Variants in ASTN2 observed in about 807,000 individuals in gnomAD.
The protein encoded by ASTN2 is astrotactin-2.
A neutral mutation model predicts 139.8 loss-of-function variants in ASTN2; 54 were observed. The ratio of observed to expected loss-of-function variants is 0.39; its 90% CI spans 0.31 to 0.48. ASTN2 has a LOEUF of 0.48. Ranked by LOEUF, ASTN2 falls within the 20% of genes least tolerant of loss-of-function variation. The pLI, the probability that ASTN2 is intolerant of heterozygous loss-of-function variation, is 0.95. For synonymous variants in ASTN2, 756 were observed against 719.5 expected, an observed-to-expected ratio of 1.05 and a Z score of -0.81; for missense variants, 1,565 against 1,725.1, an observed-to-expected ratio of 0.91 and a Z score of 1.64.
chr9:116,859,521 T>C (rs1452489752), intron 11 of ASTN2, among the ~76,000 whole-genome samples: 1 of 152,180 alleles, frequency 6.6e-6, no homozygotes, highest in African/African-American at 2.4e-5. Context: ...AATAAAGCAA[T>C]AGAAGCATCT....
At chr9:117,340,334 A>G (rs1440831861) in intron 1 of ASTN2, among the ~76,000 whole-genome samples, 4 of 95,082 alleles carry the variant, frequency 4.2e-5, no homozygotes, top group Non-Finnish European at 8.9e-5. Context: ...TCAGTCTCAA[A>G]AAAAAAAAAA....
intron 13 of ASTN2, among the ~76,000 whole-genome samples, chr9:116,786,639 T>C (rs913108127): frequency 6.6e-6 from 1 of 152,124 alleles, no homozygotes; most frequent in Admixed American, 6.5e-5. Flanking sequence ...GAAAAAAAAC[T>C]GAGAAAGGAG....
In ASTN2 at chr9:116,707,949, T is replaced by C. The variant is rs1403228276; in HGVS notation, c.2806+17822A>G. ...CCCTGCCTAAATTCCCCCATAGCCA[T>C]AGCACCCATTAACTTAAAATATCCC... On this transcript the variant is annotated intron_variant, in intron 16 of 22. Transcript: ENST00000313400. Among the ~76,000 whole-genome samples, 4 of 152,156 alleles carry C rather than the reference T, an allele frequency of 2.6e-5. No homozygotes were observed. The East Asian group carries it at 5.8e-4, about 22-fold the overall frequency.
At chr9:116,989,269 T>G (rs1220119986) in intron 7 of ASTN2, among the ~76,000 whole-genome samples, 2 of 152,196 alleles carry the variant, frequency 1.3e-5, no homozygotes, top group African/African-American at 4.8e-5. Context: ...GTCCTGCCCA[T>G]GGCATCAGAC....
At chr9:116,622,753 T>C (rs1017364533) in intron 17 of ASTN2, among the ~76,000 whole-genome samples, 5 of 152,208 alleles carry the variant, frequency 3.3e-5, no homozygotes, top group African/African-American at 1.2e-4. Context: ...ATTTTTGTAG[T>C]GTAAGTATAT....
intron 10 of ASTN2, among the ~76,000 whole-genome samples, chr9:116,894,176 A>G (rs1286625709): frequency 6.6e-6 from 1 of 152,192 alleles, no homozygotes; most frequent in African/African-American, 2.4e-5. Context: ...CCTAGATCAA[A>G]AACATGTGGG....
intron 1 of ASTN2, among the ~76,000 whole-genome samples, chr9:117,292,944 C>T (rs1435090670): frequency 2.0e-5 from 3 of 152,068 alleles, no homozygotes; most frequent in South Asian, 4.1e-4. Flanking sequence ...TTGAGGTTCA[C>T]AATCAAAAAT....
intron 3 of ASTN2, among the ~76,000 whole-genome samples, chr9:117,177,446 A>G (rs1219848485): frequency 6.6e-6 from 1 of 152,148 alleles, no homozygotes; most frequent in Admixed American, 6.5e-5. Context: ...GCTTCACAGA[A>G]ATAGTTTCAT....
intron 16 of ASTN2, among the ~76,000 whole-genome samples, chr9:116,670,176 A>C (rs1404895101): frequency 6.6e-6 from 1 of 152,220 alleles, no homozygotes; most frequent in Non-Finnish European, 1.5e-5. Context: ...TAAACAAAAA[A>C]ACCTTGATTG....
At chr9:117,276,548 A>C (rs1173950826) in intron 2 of ASTN2, among the ~76,000 whole-genome samples, 1 of 152,256 alleles carries the variant, frequency 6.6e-6, no homozygotes, top group African/African-American at 2.4e-5. Flanking sequence ...GAGACAGGGC[A>C]GGCCTCTGGA....
intron 1 of ASTN2, among the ~76,000 whole-genome samples, chr9:117,386,320 G>T (rs980186784): frequency 1.3e-5 from 2 of 152,110 alleles, no homozygotes; most frequent in South Asian, 4.1e-4. Flanking sequence ...ACCGCTATTC[G>T]CAGTTAACAT....
intron 3 of ASTN2, among the ~76,000 whole-genome samples, chr9:117,200,996 C>CTTTTTTTTTT (rs777675838): frequency 1.1e-4 from 10 of 94,968 alleles, no homozygotes; most frequent in Admixed American, 1.3e-4. Flanking sequence ...TGGTCCTGGG[C>CTTTTTTTTTT]TTTTTTTTTT....
chr9:117,037,380 T>C (rs1009532290), intron 6 of ASTN2, among the ~76,000 whole-genome samples: 6 of 152,146 alleles, frequency 3.9e-5, no homozygotes, highest in Non-Finnish European at 7.4e-5. Context: ...CCACATGCTG[T>C]CTGAAAATCT....
At chr9:116,661,323 A>G (rs1167610661) in intron 16 of ASTN2, among the ~76,000 whole-genome samples, 2 of 152,166 alleles carry the variant, frequency 1.3e-5, no homozygotes, top group Non-Finnish European at 2.9e-5. Flanking sequence ...AAGAAGGATC[A>G]TTGTGTGCAA....
chr9:116,938,069 C>T (rs1835126760), intron 10 of ASTN2, among the ~76,000 whole-genome samples: 1 of 152,128 alleles, frequency 6.6e-6, no homozygotes, highest in African/African-American at 2.4e-5. Context: ...GGTAACTTTC[C>T]TTTGTTCAAT....
intron 19 of ASTN2, among the ~76,000 whole-genome samples, chr9:116,524,284 G>T (rs940886817): frequency 9.9e-5 from 15 of 152,112 alleles, no homozygotes; most frequent in Admixed American, 9.8e-4. Context: ...TTACCTAATA[G>T]GTGCTACGTG....
At position 116,863,656 on chromosome 9, in the gene ASTN2, G is replaced by A; in HGVS notation, c.1967C>T (p.Ser656Phe). Residue 656 changes from serine to phenylalanine, a missense_variant, in exon 11 of 23, where the codon TCT becomes TTT. By Grantham distance (155) the Ser-to-Phe change is radical. Coordinates refer to ENST00000313400, the MANE Select transcript of ASTN2 (RefSeq NM_001365068.1). The stretch of plus-strand genomic sequence containing the variant: ...GCGAGTGCAGCCCCCATTGTTCCGA[G>A]AGCAGTCACGAACTGGCCCGAAGGA... ...LSSFGPVRDC[S>F]RNNGGCTRNF... 3 of 1,614,198 alleles carry A rather than the reference G, an allele frequency of 1.9e-6. No individual in the cohort carries two copies. The South Asian group carries it at 3.3e-5, about 18-fold the overall frequency.
At chr9:117,005,324 T>A (rs1358484111) in intron 7 of ASTN2, among the ~76,000 whole-genome samples, 3 of 151,762 alleles carry the variant, frequency 2.0e-5, no homozygotes, top group Non-Finnish European at 4.4e-5. Flanking sequence ...CCTGACCTAG[T>A]GATCCACCTG....
At chr9:116,800,107 C>A (rs142926253) in intron 13 of ASTN2, among the ~76,000 whole-genome samples, 105 of 152,216 alleles carry the variant, frequency 6.9e-4, no homozygotes, top group Non-Finnish European at 1.2e-3. Flanking sequence ...TTTGTATGAA[C>A]TGTGTCCTTC....
Sources: gnomAD v4.1 joint callset for allele counts (sites outside exome capture counted in the v4.1 genomes callset) on GRCh38, gnomAD v4.1.1 for gene constraint, MANE v1.5 for transcripts, NCBI Gene and HGNC (gene_info 2026-07-23, HGNC 2026-07-21) for gene names.